The following CDC40 variants were observed in gnomAD, a reference collection of about 807,000 sequenced individuals.
CDC40 encodes the protein pre-mRNA-processing factor 17.
A neutral mutation model predicts 80.6 loss-of-function variants in CDC40; 27 were observed. The ratio of observed to expected loss-of-function variants is 0.33; its 90% CI spans 0.25 to 0.46. The LOEUF (loss-of-function observed/expected upper bound fraction) is 0.46. Among genes scored for constraint, CDC40 ranks in the 20% least tolerant of loss-of-function variants. CDC40 has a pLI of 1.00. For synonymous variants in CDC40, 221 were observed against 232.6 expected (o/e 0.95, Z 0.45); for missense variants, 486 against 694.1 (o/e 0.70, Z 3.37).
At chr6:110,185,431 A>G (rs1397300713) in intron 1 of CDC40, among the ~76,000 whole-genome samples, 2 of 148,760 alleles carry the variant, frequency 1.3e-5, no homozygotes, top group African/African-American at 2.6e-5. Flanking sequence ...TTTAGTAGAG[A>G]CGGGGTTTCA....
chr6:110,208,943 T>G, intron 4 of CDC40, 141 bp from the exon 5 acceptor site: 1 of 610,530 alleles, frequency 1.6e-6, no homozygotes. Flanking sequence ...AGATTGTTTT[T>G]TAATAACTCT....
At chr6:110,199,145 A>G (rs1777457009) in intron 2 of CDC40, 1 of 152,204 alleles carries the variant, frequency 6.6e-6, no homozygotes, top group Admixed American at 6.5e-5. Flanking sequence ...ACATAGGCAT[A>G]TGTAAATTTT....
intron 12 of CDC40, among the ~76,000 whole-genome samples, chr6:110,223,371 C>T (rs926981567): frequency 2.1e-4 from 32 of 152,072 alleles, no homozygotes; most frequent in African/African-American, 7.7e-4. Context: ...AATGAGGGGA[C>T]TGGTAAGGAG....
At chr6:110,215,780 T>C (rs1390494974) in intron 9 of CDC40, among the ~76,000 whole-genome samples, 8 of 152,204 alleles carry the variant, frequency 5.3e-5, no homozygotes, top group Admixed American at 3.9e-4. Flanking sequence ...GATGATTTGG[T>C]AGGGCAAGCC....
rs1482839217 is a variant in CDC40 at position 110,230,172 on chromosome 6, A to G, written c.*41A>G. On this transcript the variant is annotated 3_prime_UTR_variant, in exon 15 of 15. Coordinates refer to ENST00000307731, the MANE Select transcript of CDC40 (RefSeq NM_015891.3). ...AACTAGCTGGGATCATTTTTGATCCATTGTCATATTTATATTTAATTATTA... is the reference window on the plus strand; with the variant it reads ...AACTAGCTGGGATCATTTTTGATCCGTTGTCATATTTATATTTAATTATTA... 1 of 1,216,386 alleles carries G rather than the reference A, an allele frequency of 8.2e-7. No homozygotes were observed. The highest frequency in any genetic ancestry group is 1.2e-6 in the Non-Finnish European group (1 of 836,478). 75.3% of individuals were successfully genotyped at this position (1,216,386 alleles called of 1,614,324 possible). A position where few individuals can be genotyped will look rare whatever the true frequency, so the allele number is the denominator to read the frequency against.
chr6:110,209,757 G>T (rs1777610416), intron 5 of CDC40, among the ~76,000 whole-genome samples: 1 of 152,088 alleles, frequency 6.6e-6, no homozygotes, highest in African/African-American at 2.4e-5. Context: ...TACAGCAGTG[G>T]ACAAGATCAA....
rs560767809 is a variant in CDC40 at position 110,229,002 on chromosome 6, C to A, written c.1562+26C>A. On this transcript the variant is annotated intron_variant, in intron 14 of 14. Transcript: ENST00000307731. ...GTAAGTTTAAATCTTCTAATCCATT[C>A]TCGTATTCAAATATGATTATATAAA... 3.5e-5 allele frequency: 54 copies of A among 1,557,974 alleles called. 1 individual carries two copies. The Middle Eastern group carries it at 8.4e-4, about 24-fold the overall frequency.
chr6:110,195,997 A>G (rs1777414569), intron 2 of CDC40, among the ~76,000 whole-genome samples: 2 of 152,182 alleles, frequency 1.3e-5, no homozygotes. Context: ...AAGAACAGGG[A>G]TATAGATTAG....
intron 2 of CDC40, among the ~76,000 whole-genome samples, chr6:110,194,342 G>A (rs984337180): frequency 6.6e-6 from 1 of 152,202 alleles, no homozygotes; most frequent in Admixed American, 6.5e-5. Flanking sequence ...GGGGGAAAAT[G>A]ATGTAACATT....
At chr6:110,187,771 T>C (rs1036011512) in intron 1 of CDC40, among the ~76,000 whole-genome samples, 3 of 152,222 alleles carry the variant, frequency 2.0e-5, no homozygotes, top group Admixed American at 6.5e-5. Context: ...CAAATTACTT[T>C]GAATCAACAA....
intron 4 of CDC40, among the ~76,000 whole-genome samples, chr6:110,208,024 G>A (rs1777587718): frequency 6.6e-6 from 1 of 152,224 alleles, no homozygotes; most frequent in South Asian, 2.1e-4. Context: ...GTTTGAATAT[G>A]TGTTGTATGT....
chr6:110,195,842 C>T (rs1012656842), intron 2 of CDC40, among the ~76,000 whole-genome samples: 4 of 152,136 alleles, frequency 2.6e-5, no homozygotes, highest in African/African-American at 7.2e-5. Context: ...TATAACATTG[C>T]GCAAGGCTTT....
At chr6:110,201,979 C>T (rs536727265) in intron 3 of CDC40, among the ~76,000 whole-genome samples, 1 of 152,068 alleles carries the variant, frequency 6.6e-6, no homozygotes, top group Admixed American at 6.6e-5. Flanking sequence ...ATTTTATATC[C>T]ATTACATGTA....
Position 110,230,905 on chromosome 6 carries a change from A to T in CDC40, c.*774A>T, listed in dbSNP as rs1297128335. The T allele has an allele frequency of 6.6e-6, 1 of 152,254 alleles. No individual in the cohort carries two copies. The highest frequency in any genetic ancestry group is 1.5e-5 in the Non-Finnish European group (1 of 68,052). The allele number at this position is 152,254 out of a possible 1,614,324, so 9.4% of individuals were successfully genotyped here. On this transcript the variant is annotated 3_prime_UTR_variant, in exon 15 of 15. Transcript: ENST00000307731. ...TAAAGACCTGGCTACGCTTTGAGAA[A>T]TCAGGATCTCCTAGGTCATTGCTTC...
At chr6:110,188,133 A>G (rs1488985923) in intron 1 of CDC40, among the ~76,000 whole-genome samples, 1 of 152,202 alleles carries the variant, frequency 6.6e-6, no homozygotes, top group Non-Finnish European at 1.5e-5. Flanking sequence ...TGCATTTAAA[A>G]ATTGATGTGT....
chr6:110,215,419 G>C (rs1777687916), intron 9 of CDC40, 88 bp downstream of exon 9: 4 of 1,004,326 alleles, frequency 4.0e-6, no homozygotes, highest in Admixed American at 1.8e-5. Flanking sequence ...TACACCGATA[G>C]GAAGTAAACT....
intron 1 of CDC40, among the ~76,000 whole-genome samples, chr6:110,187,203 C>G (rs1471341761): frequency 6.6e-6 from 1 of 152,184 alleles, no homozygotes; most frequent in African/African-American, 2.4e-5. Context: ...AAAATTTTTA[C>G]ATGCAACATT....
chr6:110,220,718 T>C (rs1052641400), intron 12 of CDC40, among the ~76,000 whole-genome samples: 2 of 152,202 alleles, frequency 1.3e-5, no homozygotes, highest in Non-Finnish European at 2.9e-5. Context: ...GTGCTGGGAT[T>C]ACAGGCGTGA....
intron 13 of CDC40, among the ~76,000 whole-genome samples, chr6:110,228,614 T>C (rs928688280): frequency 2.6e-5 from 4 of 152,226 alleles, no homozygotes; most frequent in Non-Finnish European, 5.9e-5. Context: ...CTCAATGATA[T>C]AGGATCGTAT....
Sources: gnomAD v4.1 joint callset for allele counts (sites outside exome capture counted in the v4.1 genomes callset) on GRCh38, gnomAD v4.1.1 for gene constraint, MANE v1.5 for transcripts, NCBI Gene and HGNC (gene_info 2026-07-23, HGNC 2026-07-21) for gene names.